LMO4: variants seen among roughly 807,000 people sequenced by gnomAD.
LMO4 encodes LIM domain only 4, also known as LIM domain transcription factor LMO4.
In LMO4, 3 loss-of-function variants were observed where a neutral mutation model predicts 18.5. That is an observed-to-expected ratio of 0.16 (90% CI 0.07 to 0.42). The LOEUF (loss-of-function observed/expected upper bound fraction) is 0.42, where lower values mean the gene tolerates loss of function less well. Among genes scored for constraint, LMO4 ranks in the 10% least tolerant of loss-of-function variants. The probability of loss-of-function intolerance (pLI) is 0.99; values close to 1 mark genes in which losing one functional copy is unlikely to be tolerated. For synonymous variants in LMO4, 100 were observed against 88.1 expected (o/e 1.14, Z -0.76); for missense variants, 121 against 219.9 (o/e 0.55, Z 2.84).
chr1:87,342,471 A>G lies in LMO4; in HGVS notation c.489+2269A>G, dbSNP rs569286296. On this transcript the variant is annotated intron_variant, in intron 4 of 4. Transcript: ENST00000370544. ...GGTAGGGTATTCATTTTGGAACACT[A>G]TATTTTAGGCAATGAATAAGAACCT... 7.9e-5 allele frequency among the ~76,000 whole-genome samples: 12 copies of G among 152,294 alleles called. No homozygotes were observed. In the East Asian group the frequency reaches 1.2e-3, roughly 15 times the overall value.
chr1:87,347,514 T>C lies in LMO4; in HGVS notation c.*2718T>C, dbSNP rs1650670433. 1 of 152,148 alleles carries C rather than the reference T, an allele frequency of 6.6e-6. No individual in the cohort carries two copies. Among genetic ancestry groups the C allele is most frequent in the Non-Finnish European group, 1.5e-5 (1 of 68,010 alleles). 9.4% of individuals were successfully genotyped at this position (152,148 alleles called of 1,614,324 possible). A position where few individuals can be genotyped will look rare whatever the true frequency, so the allele number is the denominator to read the frequency against. On this transcript the variant is annotated 3_prime_UTR_variant, in exon 5 of 5. Transcript: ENST00000370544. ...CCTTTCATCCATTGCATTTGTGATG[T>C]TATTAGTTAGCAAGATGGACACTGT... is the stretch of plus-strand genomic sequence containing the variant.
chr1:87,337,228 A>G (rs1195084269), intron 2 of LMO4, among the ~76,000 whole-genome samples: 1 of 152,204 alleles, frequency 6.6e-6, no homozygotes, highest in Non-Finnish European at 1.5e-5. Flanking sequence ...CAGGAATCCC[A>G]CCATTTTGTG....
intron 2 of LMO4, among the ~76,000 whole-genome samples, chr1:87,334,118 C>T (rs1650230652): frequency 6.6e-6 from 1 of 152,108 alleles, no homozygotes; most frequent in African/African-American, 2.4e-5. Flanking sequence ...TTGGTGTTTT[C>T]CTGTGCCCTA....
chr1:87,348,259 C>T lies in LMO4; in HGVS notation c.*3463C>T, dbSNP rs1650689976. The T allele has an allele frequency of 6.2e-6, 1 of 160,738 alleles. No individual in the cohort carries two copies. Among genetic ancestry groups the T allele is most frequent in the Non-Finnish European group, 1.4e-5 (1 of 72,742 alleles). 10.0% of individuals were successfully genotyped at this position (160,738 alleles called of 1,614,324 possible). ...CCAAAAACCCCATCACCCTTCACCC[C>T]AAAGACCCCTTCACCCTTCACCAGG... is the stretch of plus-strand genomic sequence containing the variant. On this transcript the variant is annotated 3_prime_UTR_variant, in exon 5 of 5. Coordinates refer to ENST00000370544, the MANE Select transcript of LMO4 (RefSeq NM_006769.4).
At chr1:87,339,409 G>A in intron 2 of LMO4, 127 bp from the exon 3 acceptor site, 1 of 636,966 alleles carries the variant, frequency 1.6e-6, no homozygotes, top group Non-Finnish European at 2.7e-6. Flanking sequence ...AAAATCTGAG[G>A]CTTGAGCCTA....
At position 87,339,647 on chromosome 1, in the gene LMO4, T is replaced by G. The variant is rs1024609654; in HGVS notation, c.333+15T>G. ...ATCATCTTAAGGTAGTATTTGCATCTCTCTTTTTTTTTTAAAAAAAAAATC... is the reference window on the plus strand; with the variant it reads ...ATCATCTTAAGGTAGTATTTGCATCGCTCTTTTTTTTTTAAAAAAAAAATC... On this transcript the variant is annotated intron_variant, in intron 3 of 4. Transcript: ENST00000370544. 4 of 1,518,350 alleles carry G rather than the reference T, an allele frequency of 2.6e-6. No homozygotes were observed. The highest frequency in any genetic ancestry group is 1.8e-5 in the Admixed American group (1 of 56,310). 94.1% of individuals were successfully genotyped at this position (1,518,350 alleles called of 1,614,324 possible).
In LMO4 at chr1:87,348,638, A is replaced by G. The variant is rs1650703301; in HGVS notation, c.*3842A>G. 2 of 465,758 alleles carry G rather than the reference A, an allele frequency of 4.3e-6. No individual in the cohort carries two copies. The highest frequency in any genetic ancestry group is 8.6e-6 in the Non-Finnish European group (2 of 231,598). The allele number at this position is 465,758 out of a possible 1,614,324, so 28.9% of individuals were successfully genotyped here. A position where few individuals can be genotyped will look rare whatever the true frequency, so the allele number is the denominator to read the frequency against. Reference sequence around the variant, plus strand: ...GTAGCCCTCTGCTCCCATCGTGAACATGCTGAGAGCAATGACAAGTCAGGG... The same window carrying G: ...GTAGCCCTCTGCTCCCATCGTGAACGTGCTGAGAGCAATGACAAGTCAGGG... On this transcript the variant is annotated 3_prime_UTR_variant, in exon 5 of 5. Transcript: ENST00000370544.
rs758130173 is a variant in LMO4 at position 87,340,104 on chromosome 1, A to G, written c.391A>G (p.Ile131Val). Residue 131 changes from isoleucine (I) to valine (V), a missense_variant, in exon 4 of 5, where the codon ATC becomes GTC. By Grantham distance (29) the Ile-to-Val change is conservative. This residue lies in a region of LMO4 where 62 missense variants were observed against 128.8 expected (regional missense o/e 0.48). Coordinates refer to ENST00000370544, the MANE Select transcript of LMO4 (RefSeq NM_006769.4). ...GGTCCCGGGAGATCGGTTTCACTACATCAATGGCAGTTTATTTTGTGAACA... is the reference window on the plus strand; with the variant it reads ...GGTCCCGGGAGATCGGTTTCACTACGTCAATGGCAGTTTATTTTGTGAACA... The part of the protein sequence containing the change: ...RLVPGDRFHY[I>V]NGSLFCEHDR... 2.5e-6 allele frequency: 4 copies of G among 1,614,156 alleles called. No homozygotes were observed. The Admixed American group carries it at 6.7e-5, about 27-fold the overall frequency.
chr1:87,330,396 A>G (rs559252570), intron 1 of LMO4, among the ~76,000 whole-genome samples: 42 of 152,226 alleles, frequency 2.8e-4, no homozygotes, highest in Non-Finnish European at 4.6e-4. Context: ...CAATTCCTCG[A>G]GTAAATGCAT....
At position 87,348,441 on chromosome 1, in the gene LMO4, A is replaced by G. The variant is rs185538712; in HGVS notation, c.*3645A>G. The G allele has an allele frequency of 1.4e-3, 434 of 299,450 alleles. 6 individuals are homozygous for G. The highest frequency in any genetic ancestry group is 0.013 in the Admixed American group (323 of 24,992). The allele number at this position is 299,450 out of a possible 1,614,324, so 18.5% of individuals were successfully genotyped here. On this transcript the variant is annotated 3_prime_UTR_variant, in exon 5 of 5. Transcript: ENST00000370544. ...AAGTGCTTATTGCAGTTAAATAGCAATTTGTTTCCATGAAACTGCAATTAA... is the reference window on the plus strand; with the variant it reads ...AAGTGCTTATTGCAGTTAAATAGCAGTTTGTTTCCATGAAACTGCAATTAA...
At chr1:87,337,498 C>T (rs1267852738) in intron 2 of LMO4, among the ~76,000 whole-genome samples, 1 of 152,176 alleles carries the variant, frequency 6.6e-6, no homozygotes, top group Non-Finnish European at 1.5e-5. Flanking sequence ...ATTATAGATT[C>T]TTATCCATTA....
At chr1:87,331,526 G>A (rs1650145752) in intron 1 of LMO4, 1 of 156,544 alleles carries the variant, frequency 6.4e-6, no homozygotes, top group Non-Finnish European at 1.4e-5. Context: ...CGGCGGGGCC[G>A]CCGCCTCCCC....
intron 4 of LMO4, 49 bp from the exon 5 acceptor site, chr1:87,344,739 C>G: frequency 6.3e-7 from 1 of 1,597,588 alleles, no homozygotes; most frequent in Non-Finnish European, 8.6e-7. Context: ...AGTTTAATAT[C>G]TCTCAAATTT....
At chr1:87,335,247 G>C (rs1487402746) in intron 2 of LMO4, among the ~76,000 whole-genome samples, 2 of 152,168 alleles carry the variant, frequency 1.3e-5, no homozygotes, top group Non-Finnish European at 2.9e-5. Flanking sequence ...CCCCCACCTC[G>C]GGCCCGAAGA....
intron 1 of LMO4, among the ~76,000 whole-genome samples, chr1:87,331,465 G>C (rs961697262): frequency 6.6e-6 from 1 of 152,120 alleles, no homozygotes; most frequent in African/African-American, 2.4e-5. Flanking sequence ...TTTCCAACTT[G>C]TGAACTGCAG....
chr1:87,329,494 G>C (rs1414318005), intron 1 of LMO4, among the ~76,000 whole-genome samples: 1 of 152,096 alleles, frequency 6.6e-6, no homozygotes. Flanking sequence ...CTTGGAAACG[G>C]GGCTGGTGGG....
At chr1:87,334,601 T>C (rs1650245749) in intron 2 of LMO4, among the ~76,000 whole-genome samples, 1 of 152,140 alleles carries the variant, frequency 6.6e-6, no homozygotes, top group African/African-American at 2.4e-5. Flanking sequence ...CACATAGCGA[T>C]TTACTGAGGG....
At chr1:87,332,613 A>G (rs778215453) in intron 2 of LMO4, among the ~76,000 whole-genome samples, 3 of 152,150 alleles carry the variant, frequency 2.0e-5, no homozygotes, top group Non-Finnish European at 4.4e-5. Flanking sequence ...AAAACAAGGT[A>G]GGAACTCACA....
chr1:87,329,867 A>G (rs775125305), intron 1 of LMO4, among the ~76,000 whole-genome samples: 3 of 152,144 alleles, frequency 2.0e-5, no homozygotes, highest in Non-Finnish European at 4.4e-5. Context: ...ATTAAAAAAC[A>G]CCAGAGACGT....
Sources: gnomAD v4.1 joint callset for allele counts (sites outside exome capture counted in the v4.1 genomes callset) on GRCh38, gnomAD v4.1.1 for gene constraint, gnomAD v4.1.1 regional missense constraint, MANE v1.5 for transcripts, NCBI Gene and HGNC (gene_info 2026-07-23, HGNC 2026-07-21) for gene names.